COP1: variants seen among roughly 807,000 people sequenced by gnomAD.
COP1 encodes COP1 E3 ubiquitin ligase.
Under a neutral mutation model 101.3 loss-of-function variants are expected in COP1, and 24 were observed. The ratio of observed to expected loss-of-function variants is 0.24; its 90% CI spans 0.17 to 0.33. COP1 has a LOEUF of 0.33. Ranked by LOEUF, COP1 falls within the 10% of genes least tolerant of loss-of-function variation. The pLI is 1.00. For synonymous variants in COP1, 347 were observed against 341.9 expected (o/e 1.01, Z -0.17); for missense variants, 663 against 906.2 (o/e 0.73, Z 3.45).
At chr1:176,078,675 T>C (rs776347057) in intron 11 of COP1, among the ~76,000 whole-genome samples, 7 of 149,700 alleles carry the variant, frequency 4.7e-5, no homozygotes, top group Non-Finnish European at 1.0e-4. Flanking sequence ...AGCTTCTGCA[T>C]AGCAGAAGAA....
intron 3 of COP1, among the ~76,000 whole-genome samples, chr1:176,171,828 T>C (rs760135304): frequency 2.6e-5 from 4 of 152,170 alleles, no homozygotes; most frequent in Admixed American, 6.6e-5. Context: ...AGGATAAAAC[T>C]ATGTGTGTGA....
intron 5 of COP1, among the ~76,000 whole-genome samples, chr1:176,151,357 GAAA>G (rs1558211644): frequency 3.4e-5 from 1 of 29,482 alleles, no homozygotes; most frequent in African/African-American, 9.5e-5. Context: ...GAAAGAAAAA[GAAA>G]GAAAGAAAGA....
intron 14 of COP1, among the ~76,000 whole-genome samples, chr1:176,033,139 C>T (rs1446535377): frequency 6.6e-6 from 1 of 152,080 alleles, no homozygotes; most frequent in Non-Finnish European, 1.5e-5. Context: ...GGGCCAGGTG[C>T]GGTGGCTCAT....
At chr1:176,171,344 CT>C (rs1159401589) in intron 3 of COP1, among the ~76,000 whole-genome samples, 1 of 152,124 alleles carries the variant, frequency 6.6e-6, no homozygotes. Context: ...TCAAACTTTT[CT>C]TCTGCAGCTT....
intron 15 of COP1, among the ~76,000 whole-genome samples, chr1:175,996,116 C>A (rs568917347): frequency 9.2e-5 from 14 of 152,070 alleles, no homozygotes; most frequent in African/African-American, 3.4e-4. Flanking sequence ...TAAATGTAAT[C>A]CAGCATATAA....
chr1:176,075,174 T>C (rs1307599549), intron 11 of COP1, among the ~76,000 whole-genome samples: 1 of 152,288 alleles, frequency 6.6e-6, no homozygotes, highest in Non-Finnish European at 1.5e-5. Context: ...TGTAATAAAA[T>C]GCACCCCATA....
At chr1:176,093,876 A>G (rs574728424) in intron 9 of COP1, among the ~76,000 whole-genome samples, 2 of 151,598 alleles carry the variant, frequency 1.3e-5, no homozygotes, top group African/African-American at 4.8e-5. Flanking sequence ...AAAACAAGTT[A>G]GCTGGGCATG....
intron 18 of COP1, among the ~76,000 whole-genome samples, chr1:175,949,257 G>C (rs1649582665): frequency 8.1e-6 from 1 of 123,022 alleles, no homozygotes; most frequent in Non-Finnish European, 1.7e-5. Flanking sequence ...CTATTTCTGG[G>C]ACTTGAGGTA....
At position 176,206,955 on chromosome 1, in the gene COP1, C is replaced by T. The variant is rs757285119; in HGVS notation, c.24G>A (p.Gly8=). 39 of 1,437,078 alleles carry T rather than the reference C, an allele frequency of 2.7e-5. No individual in the cohort carries two copies. The African/African-American group carries it at 5.3e-4, about 20-fold the overall frequency. The allele number at this position is 1,437,078 out of a possible 1,614,324, so 89.0% of individuals were successfully genotyped here. A position where few individuals can be genotyped will look rare whatever the true frequency, so the allele number is the denominator to read the frequency against. Residue 8 remains glycine (G), a synonymous_variant, in exon 1 of 20, where the codon GGG becomes GGA. Transcript: ENST00000367669. The part of the protein sequence containing the change: MSGSRQA[G]SGSAGTSPGS... ...CGGGGCTTGTCCCAGCGGAGCCCGACCCGGCCTGGCGGCTACCAGACATCG... is the reference window on the plus strand; with the variant it reads ...CGGGGCTTGTCCCAGCGGAGCCCGATCCGGCCTGGCGGCTACCAGACATCG...
intron 3 of COP1, among the ~76,000 whole-genome samples, chr1:176,175,670 G>A (rs939146620): frequency 1.3e-5 from 2 of 152,076 alleles, no homozygotes; most frequent in African/African-American, 4.8e-5. Context: ...CCATGGCCCA[G>A]GGGTCCCTGA....
At chr1:176,065,442 T>C (rs781518636) in intron 11 of COP1, among the ~76,000 whole-genome samples, 2 of 152,228 alleles carry the variant, frequency 1.3e-5, no homozygotes, top group African/African-American at 4.8e-5. Context: ...CAAATATTTA[T>C]GTTATAAAAC....
intron 15 of COP1, chr1:176,017,428 C>A (rs1380506286): frequency 6.6e-6 from 1 of 152,194 alleles, no homozygotes; most frequent in East Asian, 1.9e-4. Flanking sequence ...AAAATCCCTG[C>A]TAGGTTTTTC....
intron 18 of COP1, among the ~76,000 whole-genome samples, chr1:175,986,108 C>G (rs952925587): frequency 5.3e-5 from 8 of 152,178 alleles, no homozygotes; most frequent in African/African-American, 1.9e-4. Flanking sequence ...CAAGCTCTGC[C>G]TCGCGGGTTG....
intron 8 of COP1, 149 bp downstream of exon 8, chr1:176,134,861 G>A: frequency 1.9e-6 from 1 of 513,546 alleles, no homozygotes; most frequent in Non-Finnish European, 3.6e-6. Context: ...TAAGGAAACA[G>A]ATGGGCCATA....
intron 9 of COP1, among the ~76,000 whole-genome samples, chr1:176,107,304 T>C (rs1217067274): frequency 1.3e-5 from 2 of 152,094 alleles, no homozygotes; most frequent in East Asian, 3.8e-4. Context: ...CTTAAGATTT[T>C]TGGTTTTAAA....
At chr1:176,087,409 C>T (rs564389377) in intron 9 of COP1, among the ~76,000 whole-genome samples, 12 of 151,872 alleles carry the variant, frequency 7.9e-5, no homozygotes, top group Admixed American at 2.6e-4. Context: ...AAGAAATTTA[C>T]GAGAAAAAAT....
chr1:176,148,969 A>T, intron 6 of COP1, 37 bp downstream of exon 6: 1 of 1,323,180 alleles, frequency 7.6e-7, no homozygotes. Context: ...TAACAATAGT[A>T]AATAAAACAT....
At chr1:176,129,313 GAGTAAATA>G (rs896063621) in intron 8 of COP1, among the ~76,000 whole-genome samples, 10 of 151,744 alleles carry the variant, frequency 6.6e-5, no homozygotes, top group African/African-American at 2.2e-4. Context: ...ATGTCTGATA[GAGTAAATA>G]AAATCAAAAG....
intron 11 of COP1, among the ~76,000 whole-genome samples, chr1:176,078,569 G>C (rs1678495392): frequency 1.3e-5 from 2 of 151,110 alleles, no homozygotes; most frequent in Non-Finnish European, 2.9e-5. Flanking sequence ...TATCCTTCAT[G>C]ACACAGGCTT....
Sources: gnomAD v4.1 joint callset for allele counts (sites outside exome capture counted in the v4.1 genomes callset) on GRCh38, gnomAD v4.1.1 for gene constraint, MANE v1.5 for transcripts, NCBI Gene and HGNC (gene_info 2026-07-23, HGNC 2026-07-21) for gene names.